The following FNDC3B variants were observed in gnomAD, a reference collection of about 807,000 sequenced individuals.
The protein encoded by FNDC3B is fibronectin type III domain-containing protein 3B.
A neutral mutation model predicts 151.5 loss-of-function variants in FNDC3B; 12 were observed. That is an observed-to-expected ratio of 0.08 (90% confidence interval 0.05 to 0.13). FNDC3B has a LOEUF of 0.13. Ranked by LOEUF, FNDC3B falls within the 10% of genes least tolerant of loss-of-function variation. FNDC3B has a pLI of 1.00. For missense variants in FNDC3B, 1,214 were observed against 1,505.3 expected (o/e 0.81, Z 3.20); for synonymous variants, 528 against 549.0 (o/e 0.96, Z 0.54).
At chr3:172,335,908 T>C (rs959282210) in intron 15 of FNDC3B, 1 of 152,148 alleles carries the variant, frequency 6.6e-6, no homozygotes, top group African/African-American at 2.4e-5. Context: ...TATAACTGTT[T>C]CAAGTTACCT....
At chr3:172,050,720 TGTG>T (rs1716601248) in intron 1 of FNDC3B, among the ~76,000 whole-genome samples, 1 of 150,038 alleles carries the variant, frequency 6.7e-6, no homozygotes, top group Non-Finnish European at 1.5e-5. Context: ...TGTGTGTGTG[TGTG>T]TGTGTGTGTG....
In FNDC3B at chr3:172,335,195, A is replaced by G. The variant is rs1732901947; in HGVS notation, c.1780+113A>G. ...CAAAAAAATTGTGGATGGTATTTGC[A>G]GAAGTTTTCTGCATTCGGAATATAT... On this transcript the variant is annotated intron_variant, in intron 15 of 25. Transcript: ENST00000415807. 5.3e-6 allele frequency: 6 copies of G among 1,124,630 alleles called. No individual in the cohort carries two copies. In the South Asian group the frequency reaches 1.1e-4, roughly 20 times the overall value. 69.7% of individuals were successfully genotyped at this position (1,124,630 alleles called of 1,614,324 possible). A position where few individuals can be genotyped will look rare whatever the true frequency, so the allele number is the denominator to read the frequency against.
chr3:172,234,201 C>T (rs1727026251), intron 4 of FNDC3B, among the ~76,000 whole-genome samples: 1 of 152,194 alleles, frequency 6.6e-6, no homozygotes, highest in South Asian at 2.1e-4. Context: ...CGAGGCTCTA[C>T]ATCCAACTCT....
intron 3 of FNDC3B, among the ~76,000 whole-genome samples, chr3:172,161,786 A>C (rs538966452): frequency 6.6e-6 from 1 of 152,344 alleles, no homozygotes; most frequent in African/African-American, 2.4e-5. Flanking sequence ...CCATCACTAC[A>C]GTCAGTTTTG....
In FNDC3B at chr3:172,378,345, C is replaced by T. The variant is rs1735261733; in HGVS notation, c.3084C>T (p.Phe1028=). 1.2e-6 allele frequency: 2 copies of T among 1,614,046 alleles called. No individual in the cohort carries two copies. Among genetic ancestry groups the T allele is most frequent in the East Asian group, 4.5e-5 (2 of 44,866 alleles). Residue 1028 remains phenylalanine, a synonymous_variant, in exon 24 of 26, where the codon TTC becomes TTT. Transcript: ENST00000415807. ...QRLTEFTCYS[F]RIQAASEAGE... is the part of the protein sequence containing the mutation. ...TGACGGAATTCACATGCTACTCCTT[C>T]AGAATCCAGGCAGCAAGCGAGGCTG... is the stretch of plus-strand genomic sequence containing the variant.
At chr3:172,191,863 T>C (rs896188818) in intron 3 of FNDC3B, among the ~76,000 whole-genome samples, 2 of 152,094 alleles carry the variant, frequency 1.3e-5, no homozygotes, top group Non-Finnish European at 2.9e-5. Context: ...CTCAATCAAT[T>C]GACTGTAGCT....
At chr3:172,339,893 A>G (rs1733204161) in intron 16 of FNDC3B, among the ~76,000 whole-genome samples, 1 of 152,158 alleles carries the variant, frequency 6.6e-6, no homozygotes, top group South Asian at 2.1e-4. Context: ...CTTTCTTCAT[A>G]TGGCCTTAGT....
At chr3:172,334,721 C>T (rs533654022) in intron 14 of FNDC3B, among the ~76,000 whole-genome samples, 4 of 152,110 alleles carry the variant, frequency 2.6e-5, no homozygotes, top group Non-Finnish European at 4.4e-5. Context: ...GGATTACAGG[C>T]GTGAGCCACT....
chr3:172,102,832 A>C (rs1456558852), intron 1 of FNDC3B, among the ~76,000 whole-genome samples: 1 of 152,252 alleles, frequency 6.6e-6, no homozygotes, highest in Non-Finnish European at 1.5e-5. Context: ...GTTTTTCACT[A>C]TCTGACTACA....
intron 25 of FNDC3B, among the ~76,000 whole-genome samples, chr3:172,393,338 A>G (rs997417997): frequency 6.6e-6 from 1 of 152,232 alleles, no homozygotes; most frequent in Non-Finnish European, 1.5e-5. Context: ...TATAACAGTT[A>G]TATATGCACC....
At chr3:172,044,253 A>C (rs1185775097) in intron 1 of FNDC3B, among the ~76,000 whole-genome samples, 61 of 122,156 alleles carry the variant, frequency 5.0e-4, no homozygotes, top group African/African-American at 2.1e-3. Flanking sequence ...CAACTTTCTG[A>C]TTTTGTATGG....
At chr3:172,061,013 G>A (rs1288678862) in intron 1 of FNDC3B, among the ~76,000 whole-genome samples, 2 of 152,128 alleles carry the variant, frequency 1.3e-5, no homozygotes, top group African/African-American at 2.4e-5. Context: ...AAGCAATAAA[G>A]GTTTGAGGAA....
chr3:172,372,538 A>G (rs557072887), intron 23 of FNDC3B, among the ~76,000 whole-genome samples: 1 of 152,300 alleles, frequency 6.6e-6, no homozygotes, highest in Admixed American at 6.5e-5. Flanking sequence ...TGAGCATTTT[A>G]TTTGTATTCC....
chr3:172,173,639 A>G (rs1723391553), intron 3 of FNDC3B, among the ~76,000 whole-genome samples: 1 of 151,412 alleles, frequency 6.6e-6, no homozygotes, highest in African/African-American at 2.4e-5. Context: ...TACAAAAAAA[A>G]AAAAAAATTA....
At chr3:172,245,539 T>C (rs775358421) in intron 4 of FNDC3B, among the ~76,000 whole-genome samples, 4 of 152,122 alleles carry the variant, frequency 2.6e-5, no homozygotes, top group Non-Finnish European at 5.9e-5. Context: ...TGTCAGATCG[T>C]AGGAAAAAAA....
intron 2 of FNDC3B, among the ~76,000 whole-genome samples, chr3:172,113,462 A>G (rs1720081133): frequency 6.6e-6 from 1 of 152,218 alleles, no homozygotes; most frequent in Admixed American, 6.5e-5. Flanking sequence ...CTTTGCATAT[A>G]CTTGGTTGGA....
chr3:172,313,556 A>C (rs1486862229), intron 11 of FNDC3B, among the ~76,000 whole-genome samples: 1 of 152,212 alleles, frequency 6.6e-6, no homozygotes, highest in East Asian at 1.9e-4. Context: ...TCAGTAGTCC[A>C]CATTGCACAT....
chr3:172,269,811 A>AT (rs1375868571), intron 6 of FNDC3B, among the ~76,000 whole-genome samples: 8 of 151,886 alleles, frequency 5.3e-5, no homozygotes, highest in South Asian at 2.1e-4. Context: ...TGCCTGGCTA[A>AT]TTTTTTTTGA....
At chr3:172,314,962 T>G (rs1209346380) in intron 11 of FNDC3B, among the ~76,000 whole-genome samples, 2 of 152,260 alleles carry the variant, frequency 1.3e-5, no homozygotes, top group African/African-American at 4.8e-5. Flanking sequence ...TACTCATTAA[T>G]AGTTCTATAC....
Sources: allele counts gnomAD v4.1 joint callset (sites outside exome capture counted in the v4.1 genomes callset), GRCh38; gene constraint gnomAD v4.1.1; transcripts MANE v1.5; gene names NCBI Gene and HGNC (gene_info 2026-07-23, HGNC 2026-07-21).